SVEP1: variants seen among roughly 807,000 people sequenced by gnomAD.
SVEP1 encodes the protein sushi, von Willebrand factor type A, EGF and pentraxin domain-containing protein 1.
Under a neutral mutation model 367.3 loss-of-function variants are expected in SVEP1, and 164 were observed. The observed-to-expected ratio is 0.45, with a 90% confidence interval of 0.39 to 0.51. The LOEUF is 0.51. Ranked by LOEUF, SVEP1 falls within the 20% of genes least tolerant of loss-of-function variation. The pLI, the probability that SVEP1 is intolerant of heterozygous loss-of-function variation, is 0.00. For missense variants in SVEP1, 4,117 were observed against 4,425.3 expected (o/e 0.93, Z 1.98); for synonymous variants, 1,666 against 1,611.6 (o/e 1.03, Z -0.81).
chr9:110,450,434 AT>A (rs973528566), intron 23 of SVEP1, among the ~76,000 whole-genome samples, 174 bp from the exon 24 acceptor site: 10 of 127,224 alleles, frequency 7.9e-5, no homozygotes, highest in African/African-American at 3.0e-4. Flanking sequence ...TTTGTAAGTC[AT>A]TTTTTTGTGG....
In SVEP1 at chr9:110,377,426, A is replaced by T. The variant is rs1588019628; in HGVS notation, c.10409-60T>A. On this transcript the variant is annotated intron_variant, in intron 44 of 47. Coordinates refer to ENST00000374469, the MANE Select transcript of SVEP1 (RefSeq NM_153366.4). ...GAATTATGAAGGGAAGGAGTCAGAA[A>T]ATAGAATTGCCCCTTTATATCTCAT... The T allele has an allele frequency of 2.5e-5, 37 of 1,492,488 alleles. No individual in the cohort carries two copies. In the East Asian group the frequency reaches 8.4e-4, roughly 34 times the overall value. The allele number at this position is 1,492,488 out of a possible 1,614,324, so 92.5% of individuals were successfully genotyped here.
chr9:110,377,794 T>C (rs1025761883), intron 44 of SVEP1, among the ~76,000 whole-genome samples: 11 of 152,198 alleles, frequency 7.2e-5, no homozygotes, highest in Admixed American at 4.6e-4. Context: ...TACAGTCACA[T>C]TGCTGGACAT....
At chr9:110,546,463 C>T (rs72752510) in intron 2 of SVEP1, among the ~76,000 whole-genome samples, 172 bp from the exon 3 acceptor site, 4 of 152,324 alleles carry the variant, frequency 2.6e-5, no homozygotes, top group South Asian at 2.1e-4. Context: ...TGTACTAGCG[C>T]GCTCTGGGAA....
intron 44 of SVEP1, 99 bp from the exon 45 acceptor site, chr9:110,377,465 G>T: frequency 9.1e-7 from 1 of 1,096,164 alleles, no homozygotes; most frequent in Non-Finnish European, 1.3e-6. Context: ...ATTTCCTTGA[G>T]TCAAGCTTTC....
Position 110,366,276 on chromosome 9 carries a change from T to C in SVEP1, c.*263A>G. On this transcript the variant is annotated 3_prime_UTR_variant, in exon 48 of 48. Coordinates refer to ENST00000374469, the MANE Select transcript of SVEP1 (RefSeq NM_153366.4). ...CCCAATAGACAGCAGAATATGTACA[T>C]TTTGTGAGGGTAGAGCAGCATCTAT... The C allele has an allele frequency of 2.8e-6, 1 of 357,836 alleles. No homozygotes were observed. Among genetic ancestry groups the C allele is most frequent in the Non-Finnish European group, 4.9e-6 (1 of 203,166 alleles). The allele number at this position is 357,836 out of a possible 1,614,324, so 22.2% of individuals were successfully genotyped here.
In SVEP1 at chr9:110,512,645, G is replaced by T. The variant is rs73532798; in HGVS notation, c.1303+281C>A. 3.3e-3 allele frequency: 1,487 copies of T among 453,958 alleles called. 19 individuals are homozygous for T. The highest frequency in any genetic ancestry group is 0.026 in the African/African-American group (1,330 of 50,472). 28.1% of individuals were successfully genotyped at this position (453,958 alleles called of 1,614,324 possible). ...AAACTCTCCTTTATATCATGTCTTA[G>T]AGGCTTGAAATTTGAGGTTTGGGGT... On this transcript the variant is annotated intron_variant, in intron 5 of 47. Coordinates refer to ENST00000374469, the MANE Select transcript of SVEP1 (RefSeq NM_153366.4).
intron 40 of SVEP1, among the ~76,000 whole-genome samples, chr9:110,397,829 A>G (rs1163734245): frequency 6.6e-6 from 1 of 152,146 alleles, no homozygotes; most frequent in Non-Finnish European, 1.5e-5. Context: ...ACCACTGCTC[A>G]ATGAAATAAA....
At chr9:110,532,445 T>C (rs565104867) in intron 3 of SVEP1, among the ~76,000 whole-genome samples, 1 of 152,080 alleles carries the variant, frequency 6.6e-6, no homozygotes, top group Non-Finnish European at 1.5e-5. Context: ...ACACAAGGCA[T>C]GAGGGTATTC....
At chr9:110,521,614 T>A (rs547475097) in intron 3 of SVEP1, among the ~76,000 whole-genome samples, 80 of 152,324 alleles carry the variant, frequency 5.3e-4, no homozygotes, top group Admixed American at 4.0e-3. Context: ...TATTCACACA[T>A]CAATACAACC....
At chr9:110,451,438 C>T (rs773176376) in intron 22 of SVEP1, 36 bp from the exon 23 acceptor site, 1 of 1,544,776 alleles carries the variant, frequency 6.5e-7, no homozygotes, top group South Asian at 1.1e-5. Flanking sequence ...CTGGAGAAAA[C>T]TTGACAGAAC....
At position 110,458,457 on chromosome 9, in the gene SVEP1, C is replaced by G; in HGVS notation, c.3576+14G>C. 6.2e-7 allele frequency: 1 copy of G among 1,606,490 alleles called. No homozygotes were observed. Among genetic ancestry groups the G allele is most frequent in the Non-Finnish European group, 8.5e-7 (1 of 1,176,054 alleles). ...GCATTCCACTAGAGAACAGTTTATG[C>G]AAAATGAACTTGCCTGACTGCTGAT... is the stretch of plus-strand genomic sequence containing the variant. On this transcript the variant is annotated intron_variant, in intron 20 of 47. Coordinates refer to ENST00000374469, the MANE Select transcript of SVEP1 (RefSeq NM_153366.4).
intron 3 of SVEP1, among the ~76,000 whole-genome samples, chr9:110,515,501 C>T (rs1005926740): frequency 6.6e-6 from 1 of 151,894 alleles, no homozygotes; most frequent in South Asian, 2.1e-4. Context: ...GGGGTTTCAC[C>T]GTGTTAGCCA....
intron 40 of SVEP1, among the ~76,000 whole-genome samples, chr9:110,392,707 G>A (rs752362238): frequency 2.0e-5 from 3 of 151,918 alleles, no homozygotes; most frequent in Non-Finnish European, 4.4e-5. Context: ...TAATGAGTTT[G>A]TTCATAAGCA....
chr9:110,544,293 T>C (rs1224174536), intron 3 of SVEP1, among the ~76,000 whole-genome samples: 1 of 152,136 alleles, frequency 6.6e-6, no homozygotes, highest in African/African-American at 2.4e-5. Flanking sequence ...CACATGGTAC[T>C]AAATAAAGCA....
rs1478266634 is a variant in SVEP1, at chr9:110,579,239, T to TCGCTGCGGAAGTTGACTTCGCCCA, written c.281_304dup (p.Val94_Ser101dup). On this transcript the variant is annotated inframe_insertion, in exon 1 of 48. Coordinates refer to ENST00000374469, the MANE Select transcript of SVEP1 (RefSeq NM_153366.4). The surrounding 1 kb of genome is among the most constrained non-coding windows in gnomAD (Gnocchi z 5.3). The stretch of plus-strand genomic sequence containing the variant: ...CAGCAGCTTGCGGACGAACATGAGC[T>TCGCTGCGGAAGTTGACTTCGCCCA]CGCTGCGGAAGTTGACTTCGCCCAC... 1.4e-5 allele frequency: 22 copies of TCGCTGCGGAAGTTGACTTCGCCCA among 1,569,956 alleles called. No individual in the cohort carries two copies. Among genetic ancestry groups the TCGCTGCGGAAGTTGACTTCGCCCA allele is most frequent in the East Asian group, 2.4e-5 (1 of 42,204 alleles).
intron 40 of SVEP1, 91 bp from the exon 41 acceptor site, chr9:110,389,678 A>G (rs1436435374): frequency 7.0e-7 from 1 of 1,432,312 alleles, no homozygotes; most frequent in Non-Finnish European, 9.7e-7. Flanking sequence ...TATGGCCTTG[A>G]ATCGCTCAGC....
At chr9:110,413,804 A>G (rs1828079648) in intron 36 of SVEP1, among the ~76,000 whole-genome samples, 1 of 152,030 alleles carries the variant, frequency 6.6e-6, no homozygotes, top group South Asian at 2.1e-4. Flanking sequence ...CTGAACAGAA[A>G]ATTGATGGAG....
intron 43 of SVEP1, among the ~76,000 whole-genome samples, chr9:110,381,095 G>C (rs781678684): frequency 3.3e-5 from 5 of 151,826 alleles, no homozygotes; most frequent in Non-Finnish European, 7.4e-5. Context: ...TTGTCTATTT[G>C]ATTCTTCCCT....
At chr9:110,553,111 T>C (rs1333783738) in intron 1 of SVEP1, among the ~76,000 whole-genome samples, 1 of 152,138 alleles carries the variant, frequency 6.6e-6, no homozygotes, top group Admixed American at 6.5e-5. Context: ...TCATGACTAT[T>C]GATGAGACAA....
Sources: allele counts gnomAD v4.1 joint callset (sites outside exome capture counted in the v4.1 genomes callset), GRCh38; gene constraint gnomAD v4.1.1; non-coding constraint Gnocchi (gnomAD v3.1); transcripts MANE v1.5; gene names NCBI Gene and HGNC (gene_info 2026-07-23, HGNC 2026-07-21).